Variants in SLC12A1 observed in about 807,000 individuals in gnomAD.
The protein encoded by SLC12A1 is solute carrier family 12 member 1, also known as Na-K-2Cl cotransporter.
SLC12A1 carries 89 observed loss-of-function variants against 130.4 expected under a neutral mutation model. The observed-to-expected ratio is 0.68, with a 90% confidence interval of 0.58 to 0.81. The LOEUF (loss-of-function observed/expected upper bound fraction) is 0.81. Among genes scored for constraint, SLC12A1 ranks in the 40% least tolerant of loss-of-function variants. The probability of loss-of-function intolerance (pLI) is 0.00; values close to 1 mark genes in which losing one functional copy is unlikely to be tolerated. For missense variants in SLC12A1, 1,310 were observed against 1,336.4 expected (o/e 0.98, Z 0.31); for synonymous variants, 499 against 460.0 (o/e 1.08, Z -1.09).
rs1420961198 is a variant in SLC12A1 at position 48,229,249 on chromosome 15, T to C, written c.785T>C (p.Leu262Pro). 6.3e-7 allele frequency: 1 copy of C among 1,599,220 alleles called. No individual in the cohort carries two copies. The highest frequency in any genetic ancestry group is 1.1e-5 in the South Asian group (1 of 88,276). Residue 262 changes from leucine (L) to proline (P), a missense_variant, in exon 6 of 27, where the codon CTG (leucine) becomes CCG (proline). Leu to Pro is a moderately conservative substitution (Grantham distance 98, BLOSUM62 -3). Coordinates refer to ENST00000380993, the MANE Select transcript of SLC12A1 (RefSeq NM_000338.3). ...CCCGAGTTCGGTGGGTCAATAGGCC[T>C]GATCTTTGCTTTTGCTAATGCAGTG... ...LGPEFGGSIGLIFAFANAVAV... is the reference protein window; with the variant it reads ...LGPEFGGSIGPIFAFANAVAV...
intron 24 of SLC12A1, among the ~76,000 whole-genome samples, chr15:48,295,563 T>C (rs1427110694): frequency 6.6e-6 from 1 of 152,224 alleles, no homozygotes; most frequent in Non-Finnish European, 1.5e-5. Flanking sequence ...ATGTCCACCA[T>C]GTTAATTTGG....
intron 12 of SLC12A1, 136 bp from the exon 13 acceptor site, chr15:48,247,201 G>C: frequency 1.0e-6 from 1 of 958,730 alleles, no homozygotes; most frequent in Non-Finnish European, 1.6e-6. Flanking sequence ...TATAAAGAAT[G>C]ATAAACTGCA....
intron 9 of SLC12A1, 92 bp from the exon 10 acceptor site, chr15:48,241,423 C>A: frequency 9.6e-7 from 1 of 1,037,568 alleles, no homozygotes; most frequent in Non-Finnish European, 1.5e-6. Flanking sequence ...GGAAGGGTAG[C>A]CTAAAAATCT....
At chr15:48,253,770 T>A (rs1269330524) in intron 15 of SLC12A1, among the ~76,000 whole-genome samples, 1 of 152,220 alleles carries the variant, frequency 6.6e-6, no homozygotes, top group Non-Finnish European at 1.5e-5. Flanking sequence ...TATTTTCCAT[T>A]CCTACAAGCC....
chr15:48,222,168 G>C (rs562339547), intron 4 of SLC12A1, among the ~76,000 whole-genome samples: 175 of 152,266 alleles, frequency 1.1e-3, no homozygotes, highest in African/African-American at 4.2e-3. Flanking sequence ...ATATTGCCAA[G>C]GTTTTGCTCC....
At chr15:48,235,781 G>A (rs939676498) in intron 9 of SLC12A1, among the ~76,000 whole-genome samples, 1 of 152,116 alleles carries the variant, frequency 6.6e-6, no homozygotes, top group Non-Finnish European at 1.5e-5. Flanking sequence ...CCAAAAGGTA[G>A]CCCAGAAACC....
intron 24 of SLC12A1, among the ~76,000 whole-genome samples, chr15:48,294,690 T>C (rs1035590248): frequency 2.6e-5 from 4 of 152,178 alleles, no homozygotes; most frequent in Non-Finnish European, 2.9e-5. Flanking sequence ...ATGGCTCTAA[T>C]TGGTAGAAAT....
intron 24 of SLC12A1, among the ~76,000 whole-genome samples, chr15:48,296,932 A>G (rs144627006): frequency 1.2e-4 from 18 of 152,312 alleles, no homozygotes; most frequent in African/African-American, 3.6e-4. Flanking sequence ...GGGCAAATAC[A>G]GCCCCGTTAT....
At chr15:48,220,870 T>C in intron 3 of SLC12A1, 51 bp from the exon 4 acceptor site, 2 of 1,611,404 alleles carry the variant, frequency 1.2e-6, no homozygotes, top group Non-Finnish European at 1.7e-6. Context: ...CCCCGGGTTT[T>C]GTCCCACTAT....
chr15:48,221,768 A>G (rs145973340), intron 4 of SLC12A1, among the ~76,000 whole-genome samples: 53 of 152,342 alleles, frequency 3.5e-4, no homozygotes, highest in African/African-American at 1.2e-3. Context: ...AAAATTAATA[A>G]TGTTCTATTC....
At chr15:48,244,624 G>GTGATATCTTGATATCACTTGAT in intron 10 of SLC12A1, 129 bp from the exon 11 acceptor site, 1 of 863,202 alleles carries the variant, frequency 1.2e-6, no homozygotes, top group Non-Finnish European at 1.8e-6. Flanking sequence ...CAGTTATCAA[G>GTGATATCTTGATATCACTTGAT]AACTACTCAC....
At chr15:48,263,419 T>A (rs899202796) in intron 17 of SLC12A1, among the ~76,000 whole-genome samples, 1 of 152,126 alleles carries the variant, frequency 6.6e-6, no homozygotes, top group Non-Finnish European at 1.5e-5. Flanking sequence ...AAATAAGAAT[T>A]TTTTAAAAAG....
chr15:48,227,355 A>G, intron 5 of SLC12A1: 1 of 608,818 alleles, frequency 1.6e-6, no homozygotes, highest in Non-Finnish European at 2.9e-6. Context: ...ATCTTCATTG[A>G]CATGACCCAT....
chr15:48,226,280 T>C, intron 4 of SLC12A1, 196 bp from the exon 5 acceptor site: 1 of 504,144 alleles, frequency 2.0e-6, no homozygotes, highest in East Asian at 3.5e-5. Context: ...TTGGAAACCA[T>C]CCTTCATCAT....
chr15:48,248,203 A>G (rs2041605382), intron 13 of SLC12A1, among the ~76,000 whole-genome samples: 1 of 152,230 alleles, frequency 6.6e-6, no homozygotes. Context: ...AGCAGTGCCA[A>G]GCAATGAGGG....
In SLC12A1 at chr15:48,269,688, A is replaced by AGAGTGTT. The variant is rs2041871573; in HGVS notation, c.2326_2327insGAGTGTT (p.Thr776ArgfsTer9). 1 of 1,611,734 alleles carries AGAGTGTT rather than the reference A, an allele frequency of 6.2e-7. No homozygotes were observed. The highest frequency in any genetic ancestry group is 8.5e-7 in the Non-Finnish European group (1 of 1,178,398). On this transcript the variant is annotated frameshift_variant, in exon 19 of 27. Transcript: ENST00000380993. LOFTEE classifies it high-confidence loss of function. ...AGGCTTAGGAAGAATGAAACCAAAC[A>AGAGTGTT]CTCTGGTGATTGGATATAAGAAAAA...
intron 21 of SLC12A1, among the ~76,000 whole-genome samples, chr15:48,286,429 GCTAA>G (rs1440037960): frequency 1.3e-5 from 2 of 152,182 alleles, no homozygotes; most frequent in African/African-American, 2.4e-5. Context: ...TGTTCTGGAT[GCTAA>G]CTATTATCTT....
chr15:48,283,642 T>C (rs1448223735), intron 20 of SLC12A1, among the ~76,000 whole-genome samples: 3 of 152,266 alleles, frequency 2.0e-5, no homozygotes, highest in Admixed American at 2.0e-4. Flanking sequence ...CTGACAGATT[T>C]AGTTAGTACA....
intron 20 of SLC12A1, among the ~76,000 whole-genome samples, chr15:48,277,493 G>C (rs1035381959): frequency 6.6e-6 from 1 of 152,152 alleles, no homozygotes; most frequent in African/African-American, 2.4e-5. Flanking sequence ...AAAAGCAAGA[G>C]AGGAATGGTT....
Sources: gnomAD v4.1 joint callset for allele counts (sites outside exome capture counted in the v4.1 genomes callset) on GRCh38, gnomAD v4.1.1 for gene constraint, MANE v1.5 for transcripts, NCBI Gene and HGNC (gene_info 2026-07-23, HGNC 2026-07-21) for gene names.